Variants in RALGAPA2 observed in about 807,000 individuals in gnomAD.
RALGAPA2 encodes the protein Ral GTPase activating protein catalytic subunit alpha 2, also known as ral GTPase-activating protein subunit alpha-2.
A neutral mutation model predicts 230.4 loss-of-function variants in RALGAPA2; 139 were observed. The ratio of observed to expected loss-of-function variants is 0.60; its 90% CI spans 0.53 to 0.69. The LOEUF (loss-of-function observed/expected upper bound fraction) is 0.69. Among genes scored for constraint, RALGAPA2 ranks in the 30% least tolerant of loss-of-function variants. The pLI, the probability that RALGAPA2 is intolerant of heterozygous loss-of-function variation, is 0.00. For synonymous variants in RALGAPA2, 847 were observed against 837.8 expected (o/e 1.01, Z -0.19); for missense variants, 2,163 against 2,276.0 (o/e 0.95, Z 1.01).
chr20:20,485,169 C>A (rs1032755981), intron 36 of RALGAPA2, among the ~76,000 whole-genome samples: 3 of 151,614 alleles, frequency 2.0e-5, no homozygotes, highest in African/African-American at 7.3e-5. Context: ...GATTGGACAA[C>A]CCTGCTCTAG....
intron 15 of RALGAPA2, among the ~76,000 whole-genome samples, chr20:20,602,816 G>A (rs889024669): frequency 2.7e-5 from 2 of 75,402 alleles, no homozygotes; most frequent in African/African-American, 4.3e-5. Context: ...TGGCAGGCGT[G>A]TGTGTGTGTG....
intron 4 of RALGAPA2, among the ~76,000 whole-genome samples, chr20:20,645,433 T>C (rs1266405257): frequency 6.6e-6 from 1 of 151,956 alleles, no homozygotes; most frequent in Non-Finnish European, 1.5e-5. Context: ...GTTTTTTAAG[T>C]ATTTGGACTA....
At chr20:20,393,436 C>A (rs542390195) in intron 39 of RALGAPA2, among the ~76,000 whole-genome samples, 183 bp from the exon 40 acceptor site, 1 of 152,338 alleles carries the variant, frequency 6.6e-6, no homozygotes, top group South Asian at 2.1e-4. Context: ...GAATGTCTTT[C>A]TTCTTATTCT....
chr20:20,480,324 C>T (rs982408446), intron 36 of RALGAPA2, among the ~76,000 whole-genome samples: 3 of 152,168 alleles, frequency 2.0e-5, no homozygotes, highest in South Asian at 2.1e-4. Flanking sequence ...GTAAGGCACA[C>T]GGGACCAGTG....
At chr20:20,458,343 A>G (rs1181410341) in intron 37 of RALGAPA2, among the ~76,000 whole-genome samples, 3 of 150,376 alleles carry the variant, frequency 2.0e-5, no homozygotes, top group Non-Finnish European at 4.4e-5. Flanking sequence ...TAAACTTCCA[A>G]ATAAGAGCTG....
In RALGAPA2 at chr20:20,425,999, T is replaced by G. The variant is rs140584410; in HGVS notation, c.5496-13851A>C. ...TCACAACAAACGGCCCTGGAGCATG[T>G]CTTTATCTGCAGCACTCTGAAGAGC... On this transcript the variant is annotated intron_variant, in intron 37 of 39. Transcript: ENST00000202677. Among the ~76,000 whole-genome samples the G allele has an allele frequency of 3.9e-3, 587 of 152,284 alleles. 3 individuals are homozygous for G. The highest frequency in any genetic ancestry group is 0.013 in the African/African-American group (554 of 41,550).
chr20:20,594,741 T>G (rs1187676183), intron 16 of RALGAPA2, among the ~76,000 whole-genome samples: 1 of 150,446 alleles, frequency 6.6e-6, no homozygotes, highest in Non-Finnish European at 1.5e-5. Context: ...TTTTTTTTTT[T>G]TTTTTGAGAT....
At chr20:20,595,587 C>T (rs1167819318) in intron 16 of RALGAPA2, among the ~76,000 whole-genome samples, 3 of 152,050 alleles carry the variant, frequency 2.0e-5, no homozygotes, top group Non-Finnish European at 4.4e-5. Flanking sequence ...TACAATATTC[C>T]TAAAAGAAAA....
intron 3 of RALGAPA2, among the ~76,000 whole-genome samples, chr20:20,674,312 A>C (rs1418563547): frequency 6.6e-6 from 1 of 152,002 alleles, no homozygotes; most frequent in Non-Finnish European, 1.5e-5. Context: ...TTTTTTCAAG[A>C]AAAAATTTAA....
At chr20:20,507,845 T>C (rs1296602950) in intron 33 of RALGAPA2, among the ~76,000 whole-genome samples, 1 of 152,190 alleles carries the variant, frequency 6.6e-6, no homozygotes, top group Non-Finnish European at 1.5e-5. Context: ...AACCATAACC[T>C]ATGACCTAAA....
intron 1 of RALGAPA2, among the ~76,000 whole-genome samples, chr20:20,688,506 G>T (rs2068785334): frequency 6.6e-6 from 1 of 152,144 alleles, no homozygotes; most frequent in Non-Finnish European, 1.5e-5. Flanking sequence ...GATGGAATAG[G>T]AAGTGGGCTG....
chr20:20,666,915 G>A (rs533615564), intron 3 of RALGAPA2, among the ~76,000 whole-genome samples: 9 of 152,074 alleles, frequency 5.9e-5, no homozygotes, highest in Admixed American at 2.6e-4. Flanking sequence ...GGCAGGGGTG[G>A]GGGGAGGAAA....
intron 23 of RALGAPA2, among the ~76,000 whole-genome samples, chr20:20,563,434 A>G (rs1004013575): frequency 6.6e-6 from 1 of 152,210 alleles, no homozygotes; most frequent in Non-Finnish European, 1.5e-5. Flanking sequence ...CAATTTGCAT[A>G]CCAACTGCTT....
rs11467035 is a variant in RALGAPA2, at chr20:20,629,320, AACACACACACACACAC to A, written c.1233+27_1233+42del. ...AATCATTTCCATTTCAAGAACTTGTAACACACACACACACACACACACACACACACACACACACTAA... is the reference window on the plus strand; with the variant it reads ...AATCATTTCCATTTCAAGAACTTGTAACACACACACACACACACACACTAA... On this transcript the variant is annotated intron_variant, in intron 10 of 39. Transcript: ENST00000202677. The A allele has an allele frequency of 4.7e-5, 52 of 1,108,474 alleles. 2 individuals carry two copies. The highest frequency in any genetic ancestry group is 1.3e-4 in the African/African-American group (8 of 62,964). 68.7% of individuals were successfully genotyped at this position (1,108,474 alleles called of 1,614,324 possible). A position where few individuals can be genotyped will look rare whatever the true frequency, so the allele number is the denominator to read the frequency against.
intron 31 of RALGAPA2, 107 bp downstream of exon 31, chr20:20,520,810 G>A: frequency 2.1e-6 from 2 of 975,008 alleles, no homozygotes; most frequent in Non-Finnish European, 2.9e-6. Flanking sequence ...CAGGAACTAG[G>A]ATTTCAACTT....
intron 12 of RALGAPA2, among the ~76,000 whole-genome samples, chr20:20,617,320 G>C (rs2066179080): frequency 6.6e-6 from 1 of 152,170 alleles, no homozygotes; most frequent in African/African-American, 2.4e-5. Context: ...TCTTAGGTAA[G>C]ATTAAAACGT....
intron 37 of RALGAPA2, among the ~76,000 whole-genome samples, chr20:20,428,510 G>C (rs1012349129): frequency 1.3e-5 from 2 of 152,156 alleles, no homozygotes; most frequent in African/African-American, 4.8e-5. Context: ...ACCCAGATGA[G>C]GAAAATGTCC....
At chr20:20,637,111 T>C (rs1029275722) in intron 8 of RALGAPA2, among the ~76,000 whole-genome samples, 2 of 152,244 alleles carry the variant, frequency 1.3e-5, no homozygotes, top group African/African-American at 4.8e-5. Flanking sequence ...AAAAATATCA[T>C]AAATACATTT....
intron 2 of RALGAPA2, among the ~76,000 whole-genome samples, chr20:20,679,547 G>A (rs1324929388): frequency 6.6e-6 from 1 of 152,034 alleles, no homozygotes. Context: ...CCTTAGCCTA[G>A]AATTCAAGGC....
Sources: gnomAD v4.1 joint callset for allele counts (sites outside exome capture counted in the v4.1 genomes callset) on GRCh38, gnomAD v4.1.1 for gene constraint, MANE v1.5 for transcripts, NCBI Gene and HGNC (gene_info 2026-07-23, HGNC 2026-07-21) for gene names.